Variants in ADAMTSL1 observed in about 807,000 individuals in gnomAD.
ADAMTSL1 encodes the protein ADAMTS like 1, also known as ADAMTS-like protein 1.
ADAMTSL1 carries 126 observed loss-of-function variants against 201.8 expected under a neutral mutation model. The observed-to-expected ratio is 0.62, with a 90% CI of 0.54 to 0.72. The LOEUF (loss-of-function observed/expected upper bound fraction) is 0.72. ADAMTSL1 is among the 30% of genes least tolerant of loss of function. ADAMTSL1 has a pLI of 0.00. For synonymous variants in ADAMTSL1, 1,121 were observed against 903.4 expected (o/e 1.24, Z -4.32); for missense variants, 2,679 against 2,277.8 (o/e 1.18, Z -3.59).
At chr9:18,006,016 A>G (rs1311378968) in intron 1 of ADAMTSL1, among the ~76,000 whole-genome samples, 1 of 151,994 alleles carries the variant, frequency 6.6e-6, no homozygotes, top group African/African-American at 2.4e-5. Context: ...TAAACTACAC[A>G]ATGGTAAAGT....
chr9:18,343,303 C>A (rs1586928428), intron 2 of ADAMTSL1, among the ~76,000 whole-genome samples: 2 of 152,162 alleles, frequency 1.3e-5, no homozygotes, highest in East Asian at 3.9e-4. Context: ...ATTTTTCAAA[C>A]CTCATCCTAA....
chr9:18,085,552 A>G (rs936557496), intron 1 of ADAMTSL1, among the ~76,000 whole-genome samples: 2 of 150,622 alleles, frequency 1.3e-5, no homozygotes, highest in African/African-American at 4.9e-5. Flanking sequence ...GTGTATACAT[A>G]CACACTGTGT....
chr9:18,882,139 C>T (rs546233238), intron 23 of ADAMTSL1, among the ~76,000 whole-genome samples: 1 of 152,304 alleles, frequency 6.6e-6, no homozygotes, highest in South Asian at 2.1e-4. Flanking sequence ...TGCTACCACT[C>T]CTTTTTCTGC....
At chr9:18,708,201 C>A (rs765566526) in intron 14 of ADAMTSL1, among the ~76,000 whole-genome samples, 1 of 152,124 alleles carries the variant, frequency 6.6e-6, no homozygotes, top group African/African-American at 2.4e-5. Context: ...TGATTGAGAA[C>A]GTAAGAATAA....
chr9:18,727,395 G>A (rs950944990), intron 15 of ADAMTSL1, among the ~76,000 whole-genome samples: 3 of 152,260 alleles, frequency 2.0e-5, no homozygotes, highest in Non-Finnish European at 2.9e-5. Flanking sequence ...CAGAAATTGA[G>A]TCCATATCCA....
intron 7 of ADAMTSL1, among the ~76,000 whole-genome samples, chr9:18,641,650 G>A (rs889126863): frequency 5.3e-5 from 8 of 151,910 alleles, no homozygotes; most frequent in Non-Finnish European, 8.8e-5. Flanking sequence ...TCTTAAATTA[G>A]TTTGCTTAAA....
intron 2 of ADAMTSL1, among the ~76,000 whole-genome samples, chr9:18,174,835 A>T (rs910847076): frequency 6.6e-6 from 1 of 152,146 alleles, no homozygotes; most frequent in Non-Finnish European, 1.5e-5. Context: ...ACAATGTCGT[A>T]ATTTTGCTAA....
At chr9:17,982,732 G>A (rs1297978116) in intron 1 of ADAMTSL1, among the ~76,000 whole-genome samples, 1 of 152,062 alleles carries the variant, frequency 6.6e-6, no homozygotes, top group African/African-American at 2.4e-5. Context: ...TGTAACACTG[G>A]GAGAGAATAA....
intron 3 of ADAMTSL1, among the ~76,000 whole-genome samples, chr9:18,535,260 A>G (rs1202985936): frequency 6.6e-6 from 1 of 152,228 alleles, no homozygotes; most frequent in African/African-American, 2.4e-5. Context: ...TCTTTGCTAA[A>G]GCATAAACAA....
intron 2 of ADAMTSL1, among the ~76,000 whole-genome samples, chr9:18,205,000 A>C (rs778076041): frequency 3.2e-4 from 48 of 152,182 alleles, no homozygotes; most frequent in Non-Finnish European, 5.6e-4. Flanking sequence ...TCATACCAAA[A>C]TAATCTTTCT....
In ADAMTSL1 at chr9:18,776,774, C is replaced by T; in HGVS notation, c.2552-7C>T. The stretch of plus-strand genomic sequence containing the variant: ...TCTCTGTCCCTTCGGGTTCGCTCTC[C>T]TTCCAGGGCCCGGGCGGCCATCCAC... On this transcript the variant is annotated splice_polypyrimidine_tract_variant and splice_region_variant and intron_variant, in intron 18 of 28. Coordinates refer to ENST00000380548, the MANE Select transcript of ADAMTSL1 (RefSeq NM_001040272.6). The T allele has an allele frequency of 1.3e-6, 2 of 1,540,552 alleles. No individual in the cohort carries two copies. The highest frequency in any genetic ancestry group is 1.7e-6 in the Non-Finnish European group (2 of 1,144,520).
intron 15 of ADAMTSL1, among the ~76,000 whole-genome samples, chr9:18,726,624 G>A (rs888861786): frequency 1.3e-5 from 2 of 152,240 alleles, no homozygotes; most frequent in South Asian, 4.2e-4. Context: ...GTGTATGACT[G>A]TTATTAATTA....
intron 3 of ADAMTSL1, among the ~76,000 whole-genome samples, chr9:18,535,399 C>T (rs542169884): frequency 2.6e-4 from 40 of 152,156 alleles, no homozygotes; most frequent in African/African-American, 3.6e-4. Flanking sequence ...TAGGAAGTTC[C>T]GAATTTTCCC....
At chr9:18,165,394 C>A (rs1212436261) in intron 2 of ADAMTSL1, among the ~76,000 whole-genome samples, 2 of 151,838 alleles carry the variant, frequency 1.3e-5, no homozygotes, top group Non-Finnish European at 2.9e-5. Context: ...GGAATTGTCA[C>A]AGTAGTTCCA....
chr9:18,704,763 A>G lies in ADAMTSL1; in HGVS notation c.1575-1984A>G, dbSNP rs116360518. Among the ~76,000 whole-genome samples, 829 of 152,296 alleles carry G rather than the reference A, an allele frequency of 5.4e-3. 6 individuals are homozygous for G. Among genetic ancestry groups the G allele is most frequent in the African/African-American group, 0.019 (785 of 41,570 alleles). ...CAAGAAGACTTTTTAATCTTTTAGG[A>G]TACCATTTTTTTCCAAGTTCTCTAG... On this transcript the variant is annotated intron_variant, in intron 13 of 28. Transcript: ENST00000380548.
intron 1 of ADAMTSL1, among the ~76,000 whole-genome samples, chr9:17,980,209 T>A (rs1588515112): frequency 6.6e-6 from 1 of 152,154 alleles, no homozygotes. Flanking sequence ...TCACCTGTAT[T>A]CATTAGATCT....
intron 4 of ADAMTSL1, among the ~76,000 whole-genome samples, chr9:18,612,119 A>T (rs1308732999): frequency 6.6e-6 from 1 of 152,208 alleles, no homozygotes; most frequent in East Asian, 1.9e-4. Flanking sequence ...AGCAGGAAAG[A>T]AGTCAGAGGG....
At chr9:18,566,318 A>G (rs1821888312) in intron 3 of ADAMTSL1, among the ~76,000 whole-genome samples, 2 of 152,204 alleles carry the variant, frequency 1.3e-5, no homozygotes, top group Non-Finnish European at 2.9e-5. Flanking sequence ...AGTACCTGGT[A>G]TGTAACAGAA....
At chr9:18,475,361 A>C (rs1821397861) in intron 1 of ADAMTSL1, among the ~76,000 whole-genome samples, 1 of 152,166 alleles carries the variant, frequency 6.6e-6, no homozygotes, top group Non-Finnish European at 1.5e-5. Context: ...CTGCGCTATA[A>C]TTTTGAAGTA....
Sources: allele counts gnomAD v4.1 joint callset (sites outside exome capture counted in the v4.1 genomes callset), GRCh38; gene constraint gnomAD v4.1.1; transcripts MANE v1.5; gene names NCBI Gene and HGNC (gene_info 2026-07-23, HGNC 2026-07-21).